Variants in PPFIA2 observed in about 807,000 individuals in gnomAD.
PPFIA2 encodes the protein liprin-alpha-2.
PPFIA2 carries 46 observed loss-of-function variants against 175.5 expected under a neutral mutation model. The ratio of observed to expected loss-of-function variants is 0.26; its 90% CI spans 0.21 to 0.34. The LOEUF (loss-of-function observed/expected upper bound fraction) is 0.34. PPFIA2 is among the 10% of genes least tolerant of loss of function. The probability of loss-of-function intolerance (pLI) is 1.00; values close to 1 mark genes in which losing one functional copy is unlikely to be tolerated. For missense variants in PPFIA2, 1,179 were observed against 1,506.1 expected, an observed-to-expected ratio of 0.78 and a Z score of 3.60; for synonymous variants, 568 against 511.4, an observed-to-expected ratio of 1.11 and a Z score of -1.49.
chr12:81,344,779 T>A, intron 18 of PPFIA2, 86 bp from the exon 19 acceptor site: 1 of 937,546 alleles, frequency 1.1e-6, no homozygotes, highest in South Asian at 1.8e-5. Flanking sequence ...AAATAGTGTC[T>A]ACAACTTGAC....
intron 4 of PPFIA2, among the ~76,000 whole-genome samples, chr12:81,618,526 CTTTT>C (rs71098155): frequency 1.7e-5 from 2 of 114,678 alleles, no homozygotes; most frequent in Non-Finnish European, 1.8e-5. Flanking sequence ...ACCCATGGCA[CTTTT>C]TTTTTTTTTT....
intron 4 of PPFIA2, among the ~76,000 whole-genome samples, chr12:81,601,717 C>A (rs935576645): frequency 9.9e-5 from 15 of 151,770 alleles, no homozygotes; most frequent in Admixed American, 6.6e-4. Context: ...AACATTTCAT[C>A]TAGTACTGTA....
chr12:81,583,048 A>G (rs759438025), intron 4 of PPFIA2, among the ~76,000 whole-genome samples: 1 of 151,892 alleles, frequency 6.6e-6, no homozygotes, highest in East Asian at 1.9e-4. Flanking sequence ...CCTCCTTAAT[A>G]TTTCGTGGCA....
intron 4 of PPFIA2, among the ~76,000 whole-genome samples, chr12:81,674,911 C>T (rs953090634): frequency 6.6e-6 from 1 of 151,894 alleles, no homozygotes; most frequent in African/African-American, 2.4e-5. Context: ...GCAGTATGTT[C>T]TAGATAGCTC....
chr12:81,652,713 C>T (rs371831186), intron 4 of PPFIA2, among the ~76,000 whole-genome samples: 2 of 151,950 alleles, frequency 1.3e-5, no homozygotes, highest in East Asian at 1.9e-4. Flanking sequence ...AGATTTCTTT[C>T]CTCCCATCTT....
At chr12:81,508,764 CT>C (rs1349521444) in intron 4 of PPFIA2, among the ~76,000 whole-genome samples, 1 of 111,910 alleles carries the variant, frequency 8.9e-6, no homozygotes, top group Non-Finnish European at 1.8e-5. Flanking sequence ...TCCCTCCCCC[CT>C]CCCCCCACCC....
intron 4 of PPFIA2, among the ~76,000 whole-genome samples, chr12:81,595,216 G>A (rs567635567): frequency 1.0e-3 from 156 of 149,662 alleles, no homozygotes; most frequent in South Asian, 3.0e-3. Context: ...TGGACATAAA[G>A]GTAACAAAAT....
intron 4 of PPFIA2, among the ~76,000 whole-genome samples, chr12:81,476,112 T>C (rs1052661062): frequency 5.9e-5 from 9 of 152,234 alleles, no homozygotes; most frequent in African/African-American, 7.2e-5. Context: ...TCTGGACTTA[T>C]GCTGAAGTTT....
chr12:81,607,428 G>T (rs923662441), intron 4 of PPFIA2, among the ~76,000 whole-genome samples: 3 of 152,102 alleles, frequency 2.0e-5, no homozygotes, highest in Non-Finnish European at 4.4e-5. Context: ...TACAATCCAT[G>T]AGAATGGAAT....
At chr12:81,572,455 T>C (rs904983740) in intron 4 of PPFIA2, among the ~76,000 whole-genome samples, 3 of 152,078 alleles carry the variant, frequency 2.0e-5, no homozygotes, top group Non-Finnish European at 4.4e-5. Flanking sequence ...ATTTTCTTTA[T>C]GTATCCTTTC....
chr12:81,561,095 G>A (rs1056660749), intron 4 of PPFIA2, among the ~76,000 whole-genome samples: 11 of 151,980 alleles, frequency 7.2e-5, no homozygotes, highest in African/African-American at 2.7e-4. Flanking sequence ...AAAGTGTAAT[G>A]GCATTCCAAA....
intron 4 of PPFIA2, among the ~76,000 whole-genome samples, chr12:81,643,148 A>G (rs1405086746): frequency 2.0e-5 from 3 of 150,688 alleles, no homozygotes; most frequent in Non-Finnish European, 4.4e-5. Flanking sequence ...AATTACTTAA[A>G]ATATCATTAT....
rs192091485 is a variant in PPFIA2, at chr12:81,274,241, A to G, written c.3310+3076T>C. On this transcript the variant is annotated intron_variant, in intron 28 of 32. Coordinates refer to ENST00000549396, the MANE Select transcript of PPFIA2 (RefSeq NM_003625.5). ...ACACCGTTTTTTAAAAATGAACGTG[A>G]CAATGCTCTCAATAATAAAAAATAA... Among the ~76,000 whole-genome samples the G allele has an allele frequency of 1.6e-4, 24 of 152,338 alleles. No homozygotes were observed. The East Asian group carries it at 4.0e-3, about 26-fold the overall frequency.
At chr12:81,565,994 ATCT>A in intron 4 of PPFIA2, among the ~76,000 whole-genome samples, 1 of 152,134 alleles carries the variant, frequency 6.6e-6, no homozygotes, top group Admixed American at 6.5e-5. Flanking sequence ...GGGAAAGCAC[ATCT>A]TCTCTGTGGG....
intron 11 of PPFIA2, among the ~76,000 whole-genome samples, chr12:81,370,283 C>A (rs1435394309): frequency 6.6e-6 from 1 of 151,668 alleles, no homozygotes; most frequent in Non-Finnish European, 1.5e-5. Context: ...ATTGAGTTTC[C>A]TCAGCAACAG....
chr12:81,574,262 G>T (rs2073097793), intron 4 of PPFIA2, among the ~76,000 whole-genome samples: 1 of 151,716 alleles, frequency 6.6e-6, no homozygotes, highest in African/African-American at 2.4e-5. Flanking sequence ...TTTAATCAGA[G>T]AATTGATGGG....
At chr12:81,382,236 G>A (rs2037883151) in intron 9 of PPFIA2, among the ~76,000 whole-genome samples, 1 of 152,154 alleles carries the variant, frequency 6.6e-6, no homozygotes, top group Admixed American at 6.6e-5. Flanking sequence ...CACTCCAGTT[G>A]AGCAGAGCAT....
At position 81,372,302 on chromosome 12, in the gene PPFIA2, GA is replaced by G. The variant is rs550479649; in HGVS notation, c.1266+2331del. ...AAAGAGAAAGACCTAGAAAAAAGAAGAAAAAAAGGTGACAGTAAAGTAGAAA... is the reference window on the plus strand; with the variant it reads ...AAAGAGAAAGACCTAGAAAAAAGAAGAAAAAAGGTGACAGTAAAGTAGAAA... On this transcript the variant is annotated intron_variant, in intron 11 of 32. Transcript: ENST00000549396. Among the ~76,000 whole-genome samples, 34 of 150,852 alleles carry G rather than the reference GA, an allele frequency of 2.3e-4. No individual in the cohort carries two copies. The South Asian group carries it at 4.4e-3, about 19-fold the overall frequency.
intron 30 of PPFIA2, among the ~76,000 whole-genome samples, chr12:81,265,138 A>G (rs1436875515): frequency 1.3e-5 from 2 of 151,822 alleles, no homozygotes; most frequent in Admixed American, 6.6e-5. Flanking sequence ...ACTAAAAAAT[A>G]CAAAATTAGA....
Sources: allele counts gnomAD v4.1 joint callset (sites outside exome capture counted in the v4.1 genomes callset), GRCh38; gene constraint gnomAD v4.1.1; transcripts MANE v1.5; gene names NCBI Gene and HGNC (gene_info 2026-07-23, HGNC 2026-07-21).